DENND1A: variants seen among roughly 807,000 people sequenced by gnomAD.
DENND1A encodes the protein DENN domain-containing protein 1A.
In DENND1A, 51 loss-of-function variants were observed where a neutral mutation model predicts 113.7. The ratio of observed to expected loss-of-function variants is 0.45; its 90% confidence interval spans 0.36 to 0.57. DENND1A has a LOEUF of 0.57. Ranked by LOEUF, DENND1A falls within the 20% of genes least tolerant of loss-of-function variation. The probability of loss-of-function intolerance (pLI) is 0.00; values close to 1 mark genes in which losing one functional copy is unlikely to be tolerated. For missense variants in DENND1A, 1,258 were observed against 1,395.9 expected, an observed-to-expected ratio of 0.90 and a Z score of 1.57; for synonymous variants, 565 against 570.8, an observed-to-expected ratio of 0.99 and a Z score of 0.14.
intron 13 of DENND1A, among the ~76,000 whole-genome samples, chr9:123,517,263 A>ACAAAACAAAACAAAAC: frequency 7.0e-6 from 1 of 143,426 alleles, no homozygotes; most frequent in East Asian, 2.2e-4. Context: ...AGAAAAAAAA[A>ACAAAACAAAACAAAAC]AAACAAAAAA....
Position 123,381,282 on chromosome 9 carries a change from G to A in DENND1A, c.*150C>T, listed in dbSNP as rs1038590495. 1.4e-5 allele frequency: 10 copies of A among 712,904 alleles called. No individual in the cohort carries two copies. Among genetic ancestry groups the A allele is most frequent in the Non-Finnish European group, 2.1e-5 (9 of 433,096 alleles). 44.2% of individuals were successfully genotyped at this position (712,904 alleles called of 1,614,324 possible). Reference sequence around the variant, plus strand: ...CAGGGCCAGACATCAGAGATGGGCAGTGTGGAGGGGAGGAGGGGGCAGCAG... The same window carrying A: ...CAGGGCCAGACATCAGAGATGGGCAATGTGGAGGGGAGGAGGGGGCAGCAG... On this transcript the variant is annotated 3_prime_UTR_variant, in exon 24 of 24. Transcript: ENST00000394215. The surrounding 1 kb of genome is among the most constrained non-coding windows in gnomAD (Gnocchi z 4.7).
At chr9:123,611,741 G>A (rs930252709) in intron 10 of DENND1A, among the ~76,000 whole-genome samples, 1 of 152,074 alleles carries the variant, frequency 6.6e-6, no homozygotes, top group Non-Finnish European at 1.5e-5. Context: ...ACATTCAAAC[G>A]GTTGAAAATA....
intron 8 of DENND1A, among the ~76,000 whole-genome samples, chr9:123,663,822 A>C (rs191261516): frequency 1.2e-4 from 19 of 152,174 alleles, no homozygotes; most frequent in Non-Finnish European, 1.5e-5. Flanking sequence ...GTGTGCTTTT[A>C]AAAATGTAAG....
intron 12 of DENND1A, among the ~76,000 whole-genome samples, chr9:123,563,970 T>C (rs1439936447): frequency 1.3e-5 from 2 of 152,210 alleles, no homozygotes; most frequent in South Asian, 4.1e-4. Flanking sequence ...TGATGGCCTA[T>C]TCCTTTGTTG....
intron 2 of DENND1A, among the ~76,000 whole-genome samples, chr9:123,844,437 C>T (rs945992348): frequency 1.3e-5 from 2 of 151,800 alleles, no homozygotes; most frequent in Non-Finnish European, 2.9e-5. Flanking sequence ...AAGAACAATA[C>T]AAAAATGAAA....
intron 5 of DENND1A, among the ~76,000 whole-genome samples, chr9:123,702,983 T>C (rs575034938): frequency 1.4e-4 from 22 of 152,288 alleles, no homozygotes; most frequent in Non-Finnish European, 2.9e-4. Flanking sequence ...ATAACTACAA[T>C]GATTTTCTTT....
chr9:123,896,869 A>G (rs958176109), intron 1 of DENND1A, among the ~76,000 whole-genome samples: 1 of 152,238 alleles, frequency 6.6e-6, no homozygotes, highest in Admixed American at 6.5e-5. Context: ...ACGCAGAAGT[A>G]AAACATTAAG....
chr9:123,806,945 T>C (rs943246642), intron 2 of DENND1A, among the ~76,000 whole-genome samples: 2 of 152,186 alleles, frequency 1.3e-5, no homozygotes, highest in East Asian at 1.9e-4. Context: ...CTGAAGGAAA[T>C]AGTCTGAAAT....
chr9:123,390,154 T>C (rs2416906), intron 21 of DENND1A, among the ~76,000 whole-genome samples: 14,364 of 152,300 alleles, frequency 0.094, 732 homozygotes, highest in Middle Eastern at 0.15. Flanking sequence ...TAACCTCTTG[T>C]CACTCTGTTT....
At chr9:123,416,682 G>A (rs1490788245) in intron 19 of DENND1A, among the ~76,000 whole-genome samples, 1 of 152,248 alleles carries the variant, frequency 6.6e-6, no homozygotes, top group Non-Finnish European at 1.5e-5. Context: ...GGCAGGAGGG[G>A]AGAGAGGGCC....
chr9:123,725,235 T>C (rs1281627174), intron 5 of DENND1A, among the ~76,000 whole-genome samples: 2 of 152,242 alleles, frequency 1.3e-5, no homozygotes, highest in Non-Finnish European at 2.9e-5. Context: ...TCAATATCAG[T>C]AGCAGAACTG....
intron 23 of DENND1A, among the ~76,000 whole-genome samples, chr9:123,383,438 A>T (rs1039249258): frequency 6.6e-6 from 1 of 152,136 alleles, no homozygotes; most frequent in African/African-American, 2.4e-5. Context: ...GCAAGTTTCC[A>T]TCGGGCTCTA....
intron 3 of DENND1A, among the ~76,000 whole-genome samples, chr9:123,774,170 G>A (rs1425875930): frequency 6.6e-6 from 1 of 152,024 alleles, no homozygotes; most frequent in Non-Finnish European, 1.5e-5. Context: ...AATACCATAA[G>A]GGAAATGCTG....
At chr9:123,577,587 C>T (rs2136538186) in intron 12 of DENND1A, among the ~76,000 whole-genome samples, 1 of 152,216 alleles carries the variant, frequency 6.6e-6, no homozygotes, top group Admixed American at 6.5e-5. Flanking sequence ...GATTGTGTTG[C>T]CTTCTTTTAA....
At chr9:123,814,781 T>C (rs976472175) in intron 2 of DENND1A, among the ~76,000 whole-genome samples, 6 of 152,180 alleles carry the variant, frequency 3.9e-5, no homozygotes, top group African/African-American at 1.4e-4. Flanking sequence ...CAACCACTTC[T>C]TTATTAATGG....
At chr9:123,716,095 T>C (rs780528303) in intron 5 of DENND1A, among the ~76,000 whole-genome samples, 3 of 152,326 alleles carry the variant, frequency 2.0e-5, no homozygotes, top group Non-Finnish European at 4.4e-5. Context: ...TACCAAAAGA[T>C]GGCAAGAAAA....
At chr9:123,452,131 C>A (rs984004001) in intron 17 of DENND1A, 145 bp downstream of exon 17, 2 of 697,764 alleles carry the variant, frequency 2.9e-6, no homozygotes, top group African/African-American at 3.6e-5. Context: ...GAGGTCAAGG[C>A]CTCAGTGAGC....
intron 20 of DENND1A, 90 bp from the exon 21 acceptor site, chr9:123,403,580 C>A (rs746326782): frequency 5.6e-5 from 68 of 1,211,916 alleles, no homozygotes; most frequent in South Asian, 6.5e-5. Flanking sequence ...AACGGCCCCC[C>A]CAAAAAACGT....
intron 13 of DENND1A, among the ~76,000 whole-genome samples, chr9:123,548,702 T>C (rs1224051664): frequency 6.6e-6 from 1 of 152,172 alleles, no homozygotes; most frequent in Non-Finnish European, 1.5e-5. Context: ...CAAAATATGG[T>C]ATATACAGAT....
Sources: allele counts gnomAD v4.1 joint callset (sites outside exome capture counted in the v4.1 genomes callset), GRCh38; gene constraint gnomAD v4.1.1; non-coding constraint Gnocchi (gnomAD v3.1); transcripts MANE v1.5; gene names NCBI Gene and HGNC (gene_info 2026-07-23, HGNC 2026-07-21).